Variants in SLIT2 observed in about 807,000 individuals in gnomAD.
SLIT2 encodes slit guidance ligand 2.
SLIT2 carries 41 observed loss-of-function variants against 185.7 expected under a neutral mutation model. The observed-to-expected ratio is 0.22, with a 90% CI of 0.17 to 0.29. The LOEUF is 0.29. SLIT2 is among the 10% of genes least tolerant of loss of function. The probability of loss-of-function intolerance (pLI) is 1.00; values close to 1 mark genes in which losing one functional copy is unlikely to be tolerated. For synonymous variants in SLIT2, 693 were observed against 680.2 expected (o/e 1.02, Z -0.29); for missense variants, 1,571 against 1,909.0 (o/e 0.82, Z 3.30).
intron 4 of SLIT2, among the ~76,000 whole-genome samples, chr4:20,286,047 G>T (rs1186358854): frequency 6.6e-6 from 1 of 152,304 alleles, no homozygotes; most frequent in South Asian, 2.1e-4. Flanking sequence ...AATTACGGAT[G>T]AGAAAACTGA....
intron 29 of SLIT2, among the ~76,000 whole-genome samples, chr4:20,570,176 G>T (rs771089391): frequency 2.6e-5 from 4 of 151,942 alleles, no homozygotes; most frequent in Non-Finnish European, 5.9e-5. Flanking sequence ...AGCACCCAAT[G>T]TCATGTAAAG....
rs563878146 is a variant in SLIT2 at position 20,453,855 on chromosome 4, C to T, written c.396-13897C>T. Among the ~76,000 whole-genome samples, 635 of 152,184 alleles carry T rather than the reference C, an allele frequency of 4.2e-3. 3 individuals carry two copies. The highest frequency in any genetic ancestry group is 0.014 in the African/African-American group (596 of 41,518). The stretch of plus-strand genomic sequence containing the variant: ...ATGAGGTAGGCAGTTTTATTATGCC[C>T]GTTTTACACATGAAGAGGTATAGGT... On this transcript the variant is annotated intron_variant, in intron 4 of 36. Transcript: ENST00000504154.
rs796585830 is a variant in SLIT2 at position 20,472,248 on chromosome 4, ATATATAGATC to A, written c.467+4432_467+4441del. 2.1e-4 allele frequency among the ~76,000 whole-genome samples: 8 copies of A among 38,728 alleles called. No individual in the cohort carries two copies. The South Asian group carries it at 3.6e-3, about 18-fold the overall frequency. The allele number at this position is 38,728 out of a possible 152,430, so 25.4% of individuals were successfully genotyped here. A position where few individuals can be genotyped will look rare whatever the true frequency, so the allele number is the denominator to read the frequency against. ...TATATATATATAGATCTATATATCT[ATATATAGATC>A]TATATATAGATATATATCTATATAT... On this transcript the variant is annotated intron_variant, in intron 5 of 36. Coordinates refer to ENST00000504154, the MANE Select transcript of SLIT2 (RefSeq NM_004787.4).
At position 20,344,344 on chromosome 4, in the gene SLIT2, GA is replaced by G. The variant is rs547346113; in HGVS notation, c.395+75464del. ...GGGAAGTGAGAATTCATTTTGATTA[GA>G]GCAATTTGGGAAGAATTCTTGGAGA... On this transcript the variant is annotated intron_variant, in intron 4 of 36. Coordinates refer to ENST00000504154, the MANE Select transcript of SLIT2 (RefSeq NM_004787.4). Among the ~76,000 whole-genome samples the G allele has an allele frequency of 2.1e-3, 319 of 152,266 alleles. 1 individual carries two copies. Among genetic ancestry groups the G allele is most frequent in the Admixed American group, 4.3e-3 (65 of 15,284 alleles).
chr4:20,448,449 T>A lies in SLIT2; in HGVS notation c.396-19303T>A, dbSNP rs183472284. ...GATTCTTGTGCCTCAGCCTCCCAAG[T>A]GGCTGGGATTACCAACATGAGCAAC... On this transcript the variant is annotated intron_variant, in intron 4 of 36. Transcript: ENST00000504154. Among the ~76,000 whole-genome samples the A allele has an allele frequency of 3.3e-5, 5 of 152,024 alleles. No homozygotes were observed. The East Asian group carries it at 9.7e-4, about 30-fold the overall frequency.
intron 4 of SLIT2, among the ~76,000 whole-genome samples, chr4:20,444,172 A>T (rs1178845557): frequency 6.6e-6 from 1 of 152,078 alleles, no homozygotes; most frequent in African/African-American, 2.4e-5. Flanking sequence ...AGACAGACTT[A>T]ACTTTCCTAG....
chr4:20,450,651 C>T (rs1712371883), intron 4 of SLIT2, among the ~76,000 whole-genome samples: 1 of 152,160 alleles, frequency 6.6e-6, no homozygotes, highest in Non-Finnish European at 1.5e-5. Context: ...TTTAACTATG[C>T]AGGTAATACA....
chr4:20,369,928 G>T (rs1291233176), intron 4 of SLIT2, among the ~76,000 whole-genome samples: 1 of 151,940 alleles, frequency 6.6e-6, no homozygotes, highest in South Asian at 2.1e-4. Flanking sequence ...TTCTTTCCTC[G>T]AAAGACTTAG....
intron 4 of SLIT2, among the ~76,000 whole-genome samples, chr4:20,408,114 G>A (rs924001610): frequency 2.6e-5 from 4 of 152,112 alleles, no homozygotes; most frequent in African/African-American, 9.7e-5. Context: ...AAAATACAGT[G>A]AGTTGTATGC....
chr4:20,486,117 A>G (rs1717209401), intron 6 of SLIT2, 83 bp from the exon 7 acceptor site: 3 of 823,836 alleles, frequency 3.6e-6, no homozygotes, highest in South Asian at 1.4e-5. Context: ...AGCATAGTAC[A>G]AGACGTTTTC....
At chr4:20,582,089 C>T (rs572977207) in intron 29 of SLIT2, among the ~76,000 whole-genome samples, 6 of 152,090 alleles carry the variant, frequency 3.9e-5, no homozygotes, top group South Asian at 2.1e-4. Flanking sequence ...GGCCATGCCC[C>T]GACTCAAAAC....
intron 29 of SLIT2, among the ~76,000 whole-genome samples, chr4:20,584,823 G>A (rs985350454): frequency 4.6e-5 from 7 of 152,184 alleles, no homozygotes; most frequent in Non-Finnish European, 1.0e-4. Flanking sequence ...GGGAGGCCAA[G>A]GTGGGAGGAT....
At chr4:20,569,470 G>A (rs982229755) in intron 29 of SLIT2, among the ~76,000 whole-genome samples, 2 of 151,980 alleles carry the variant, frequency 1.3e-5, no homozygotes, top group African/African-American at 4.8e-5. Context: ...AAGTCAGGAA[G>A]ATATTGAGCA....
At chr4:20,529,854 A>G (rs1386403053) in intron 16 of SLIT2, among the ~76,000 whole-genome samples, 1 of 152,202 alleles carries the variant, frequency 6.6e-6, no homozygotes, top group East Asian at 1.9e-4. Flanking sequence ...GTTTATATAT[A>G]GCACCATCTG....
At chr4:20,604,838 ATTT>A (rs780230047) in intron 33 of SLIT2, among the ~76,000 whole-genome samples, 1 of 141,862 alleles carries the variant, frequency 7.0e-6, no homozygotes, top group Non-Finnish European at 1.5e-5. Context: ...AGATACTTTA[ATTT>A]TTTTTTTTTT....
Position 20,491,872 on chromosome 4 carries a change from C to A in SLIT2, c.887C>A (p.Thr296Lys). Reference sequence around the variant, plus strand: ...GGGAAAGGTCTCACTGAGATCCCCACAAATCTTCCAGAGACCATCACAGAA... The same window carrying A: ...GGGAAAGGTCTCACTGAGATCCCCAAAAATCTTCCAGAGACCATCACAGAA... Reference protein sequence around the residue: ...CRGKGLTEIPTNLPETITEIR... With the variant: ...CRGKGLTEIPKNLPETITEIR... The change falls in exon 9 of 37, where the codon ACA becomes AAA. Residue 296 changes from threonine (T) to lysine (K), a missense_variant. Thr to Lys is a moderately conservative substitution (Grantham distance 78, BLOSUM62 -1). Transcript: ENST00000504154. 6.2e-7 allele frequency: 1 copy of A among 1,613,820 alleles called. No homozygotes were observed. Among genetic ancestry groups the A allele is most frequent in the South Asian group, 1.1e-5 (1 of 91,024 alleles).
intron 23 of SLIT2, among the ~76,000 whole-genome samples, chr4:20,548,798 T>C (rs1723478219): frequency 6.6e-6 from 1 of 151,998 alleles, no homozygotes; most frequent in African/African-American, 2.4e-5. Context: ...ATCCCTAAGA[T>C]AGGGAAAATC....
At chr4:20,447,884 C>T (rs1248985629) in intron 4 of SLIT2, among the ~76,000 whole-genome samples, 3 of 152,168 alleles carry the variant, frequency 2.0e-5, no homozygotes, top group Non-Finnish European at 2.9e-5. Flanking sequence ...CTACTTTACT[C>T]ATTGGATATT....
In SLIT2 at chr4:20,404,979, A is replaced by G. The variant is rs182894762; in HGVS notation, c.396-62773A>G. Among the ~76,000 whole-genome samples the G allele has an allele frequency of 3.0e-3, 453 of 151,678 alleles. 5 individuals are homozygous for G. Among genetic ancestry groups the G allele is most frequent in the Admixed American group, 3.9e-3 (59 of 15,166 alleles). On this transcript the variant is annotated intron_variant, in intron 4 of 36. Transcript: ENST00000504154. The stretch of plus-strand genomic sequence containing the variant: ...TTATAACATTTTTATGAACCTCTGT[A>G]AAAGATTTTATTTGTATATAATTCT...
Sources: gnomAD v4.1 joint callset for allele counts (sites outside exome capture counted in the v4.1 genomes callset) on GRCh38, gnomAD v4.1.1 for gene constraint, MANE v1.5 for transcripts, NCBI Gene and HGNC (gene_info 2026-07-23, HGNC 2026-07-21) for gene names.